Variants in VPS13B observed in about 807,000 individuals in gnomAD.
The protein encoded by VPS13B is intermembrane lipid transfer protein VPS13B.
A neutral mutation model predicts 426.4 loss-of-function variants in VPS13B; 285 were observed. The ratio of observed to expected loss-of-function variants is 0.67; its 90% confidence interval spans 0.61 to 0.74. The LOEUF (loss-of-function observed/expected upper bound fraction) is 0.74. Ranked by LOEUF, VPS13B falls within the 30% of genes least tolerant of loss-of-function variation. The pLI is 0.00. For missense variants in VPS13B, 4,537 were observed against 4,782.6 expected (o/e 0.95, Z 1.51); for synonymous variants, 1,676 against 1,676.4 (o/e 1.00, Z 0.01).
intron 6 of VPS13B, among the ~76,000 whole-genome samples, chr8:99,111,973 C>T (rs1323557504): frequency 6.6e-6 from 1 of 151,966 alleles, no homozygotes; most frequent in Non-Finnish European, 1.5e-5. Context: ...TTTTAGAATC[C>T]ACACTGTCTG....
intron 39 of VPS13B, among the ~76,000 whole-genome samples, chr8:99,741,152 A>G (rs1054474975): frequency 2.6e-5 from 4 of 152,162 alleles, no homozygotes; most frequent in African/African-American, 9.7e-5. Context: ...ATGGAAAACA[A>G]AAAAAGGCAA....
chr8:99,697,544 G>T (rs536688455), intron 35 of VPS13B: 4 of 717,530 alleles, frequency 5.6e-6, no homozygotes, highest in Non-Finnish European at 7.6e-6. Flanking sequence ...GAAGGAGGAC[G>T]TGCAGGACTA....
intron 17 of VPS13B, among the ~76,000 whole-genome samples, chr8:99,267,429 C>T (rs575534926): frequency 6.8e-4 from 103 of 151,818 alleles, no homozygotes; most frequent in Non-Finnish European, 1.2e-3. Context: ...CCTGATTATG[C>T]GATAGAAAAG....
intron 5 of VPS13B, among the ~76,000 whole-genome samples, chr8:99,109,460 T>C (rs1847244864): frequency 6.6e-6 from 1 of 151,792 alleles, no homozygotes; most frequent in South Asian, 2.1e-4. Flanking sequence ...CTTGGCTCAC[T>C]GCAAGCTCCA....
At chr8:99,600,469 C>T (rs1338976613) in intron 33 of VPS13B, among the ~76,000 whole-genome samples, 1 of 152,064 alleles carries the variant, frequency 6.6e-6, no homozygotes. Flanking sequence ...CTTAATTGTC[C>T]TTGTATATAA....
chr8:99,696,479 C>A, intron 35 of VPS13B: 1 of 402,088 alleles, frequency 2.5e-6, no homozygotes, highest in South Asian at 2.1e-5. Flanking sequence ...GCGCCGACCT[C>A]CTCCGCTTGG....
rs756140213 is a variant in VPS13B at position 99,511,216 on chromosome 8, G to A, written c.4337G>A (p.Arg1446Gln). The change falls in exon 29 of 62, where the codon CGA becomes CAA. Residue 1446 changes from arginine (R) to glutamine (Q), a missense_variant. Coordinates refer to ENST00000357162, the MANE Select transcript of VPS13B (RefSeq NM_152564.5). ...VRHKLTSRNERRSFHKLSEGL... is the reference protein window; with the variant it reads ...VRHKLTSRNEQRSFHKLSEGL... ...CACAAGTTAACATCAAGAAATGAGCGAAGAAGTTTTCATAAGTTATCTGAA... is the reference window on the plus strand; with the variant it reads ...CACAAGTTAACATCAAGAAATGAGCAAAGAAGTTTTCATAAGTTATCTGAA... 64 of 1,614,014 alleles carry A rather than the reference G, an allele frequency of 4.0e-5. No individual in the cohort carries two copies. The highest frequency in any genetic ancestry group is 6.7e-5 in the Admixed American group (4 of 60,006).
At chr8:99,102,154 C>A (rs113201249) in intron 4 of VPS13B, among the ~76,000 whole-genome samples, 217 of 152,194 alleles carry the variant, frequency 1.4e-3, no homozygotes, top group African/African-American at 4.9e-3. Flanking sequence ...AGATTCTAAG[C>A]AAGCCATGGA....
intron 25 of VPS13B, among the ~76,000 whole-genome samples, chr8:99,497,559 A>G (rs567416843): frequency 6.6e-6 from 1 of 152,020 alleles, no homozygotes; most frequent in South Asian, 2.1e-4. Flanking sequence ...TGTTAAAAAA[A>G]TTAAGCATGA....
chr8:99,252,928 T>C (rs1817572938), intron 17 of VPS13B, among the ~76,000 whole-genome samples: 1 of 152,120 alleles, frequency 6.6e-6, no homozygotes, highest in South Asian at 2.1e-4. Context: ...TTCACCACTG[T>C]CTAAGTTTAG....
intron 52 of VPS13B, among the ~76,000 whole-genome samples, chr8:99,832,940 A>G (rs996259594): frequency 6.6e-6 from 1 of 152,232 alleles, no homozygotes; most frequent in East Asian, 1.9e-4. Context: ...ATGTATCATC[A>G]TACAAATAGC....
chr8:99,163,397 C>T (rs989506769), intron 15 of VPS13B, among the ~76,000 whole-genome samples: 6 of 152,226 alleles, frequency 3.9e-5, no homozygotes, highest in South Asian at 2.1e-4. Context: ...ACCGTGCACT[C>T]GCATTCCTCA....
intron 23 of VPS13B, among the ~76,000 whole-genome samples, chr8:99,456,078 T>C (rs1818441059): frequency 6.6e-6 from 1 of 152,166 alleles, no homozygotes; most frequent in Non-Finnish European, 1.5e-5. Context: ...TTGTGATCGA[T>C]TTGTTAGGGT....
At chr8:99,653,871 G>T (rs1829920244) in intron 34 of VPS13B, among the ~76,000 whole-genome samples, 1 of 152,018 alleles carries the variant, frequency 6.6e-6, no homozygotes, top group African/African-American at 2.4e-5. Context: ...ACGAGGTGCA[G>T]AGTAGGTACA....
chr8:99,135,754 A>G, intron 11 of VPS13B, 21 bp downstream of exon 11: 1 of 1,612,556 alleles, frequency 6.2e-7, no homozygotes, highest in Non-Finnish European at 8.5e-7. Context: ...ATATATTTGA[A>G]CCAAATTCTA....
chr8:99,747,298 A>G (rs1213194264), intron 39 of VPS13B, among the ~76,000 whole-genome samples: 1 of 152,068 alleles, frequency 6.6e-6, no homozygotes, highest in Non-Finnish European at 1.5e-5. Context: ...AAAAAAAAAA[A>G]AGTTTTAATT....
chr8:99,867,180 A>T (rs1158851717), intron 58 of VPS13B, among the ~76,000 whole-genome samples: 1 of 152,242 alleles, frequency 6.6e-6, no homozygotes, highest in Non-Finnish European at 1.5e-5. Flanking sequence ...AATTGAAAAC[A>T]GAGAATTCTG....
chr8:99,794,406 A>G (rs73271383), intron 43 of VPS13B, among the ~76,000 whole-genome samples: 2,579 of 152,304 alleles, frequency 0.017, 64 homozygotes, highest in African/African-American at 0.059. Context: ...TTCCATGTAT[A>G]AAAGTAGGAA....
In VPS13B at chr8:99,558,584, A is replaced by T. The variant is rs557634342; in HGVS notation, c.4949+1931A>T. Among the ~76,000 whole-genome samples, 17 of 149,220 alleles carry T rather than the reference A, an allele frequency of 1.1e-4. 1 individual carries two copies. The East Asian group carries it at 3.4e-3, about 30-fold the overall frequency. ...CTACCCCCACCCCACAACAGGCCCC[A>T]GTATGTGATGCTCCCCACCCTGTGT... On this transcript the variant is annotated intron_variant, in intron 31 of 61. Coordinates refer to ENST00000357162, the MANE Select transcript of VPS13B (RefSeq NM_152564.5).
Sources: gnomAD v4.1 joint callset for allele counts (sites outside exome capture counted in the v4.1 genomes callset) on GRCh38, gnomAD v4.1.1 for gene constraint, MANE v1.5 for transcripts, NCBI Gene and HGNC (gene_info 2026-07-23, HGNC 2026-07-21) for gene names.